The following MAGI2 variants were observed in gnomAD, a reference collection of about 807,000 sequenced individuals.
MAGI2 encodes the protein membrane associated guanylate kinase, WW and PDZ domain containing 2.
In MAGI2, 35 loss-of-function variants were observed where a neutral mutation model predicts 133.3. The observed-to-expected ratio is 0.26, with a 90% CI of 0.20 to 0.35. The LOEUF (loss-of-function observed/expected upper bound fraction) is 0.35. Among genes scored for constraint, MAGI2 ranks in the 10% least tolerant of loss-of-function variants. MAGI2 has a pLI of 1.00. For missense variants in MAGI2, 1,636 were observed against 1,863.4 expected, an observed-to-expected ratio of 0.88 and a Z score of 2.25; for synonymous variants, 729 against 710.6, an observed-to-expected ratio of 1.03 and a Z score of -0.41.
chr7:78,075,407 C>T (rs1192641688), intron 21 of MAGI2, among the ~76,000 whole-genome samples: 12 of 138,562 alleles, frequency 8.7e-5, no homozygotes, highest in African/African-American at 1.4e-4. Flanking sequence ...GACGGAGTCT[C>T]GCTCTGTCAC....
chr7:78,295,616 A>G (rs866809283), intron 9 of MAGI2, among the ~76,000 whole-genome samples: 43 of 152,258 alleles, frequency 2.8e-4, no homozygotes, highest in Middle Eastern at 3.4e-3. Flanking sequence ...AGTGTGAGCA[A>G]CTACACTAGC....
At chr7:78,093,001 TG>T (rs35588190) in intron 20 of MAGI2, among the ~76,000 whole-genome samples, 2 of 151,140 alleles carry the variant, frequency 1.3e-5, no homozygotes, top group African/African-American at 4.9e-5. Context: ...CTGGGTGTGG[TG>T]GGGGGTGCCT....
intron 3 of MAGI2, among the ~76,000 whole-genome samples, chr7:78,583,656 A>T (rs1365811352): frequency 6.6e-6 from 1 of 152,212 alleles, no homozygotes; most frequent in Non-Finnish European, 1.5e-5. Flanking sequence ...ACAAGATTAG[A>T]TCCAAGCTGA....
At chr7:78,577,470 G>T (rs1461648257) in intron 3 of MAGI2, among the ~76,000 whole-genome samples, 3 of 152,144 alleles carry the variant, frequency 2.0e-5, no homozygotes, top group African/African-American at 7.2e-5. Flanking sequence ...TAGAAATTAT[G>T]CTGATTTTCA....
At position 78,456,655 on chromosome 7, in the gene MAGI2, G is replaced by A. The variant is rs540529737; in HGVS notation, c.1045+33106C>T. On this transcript the variant is annotated intron_variant, in intron 6 of 21. Transcript: ENST00000354212. ...TATAATACAATAACTATATCAACAGGAAGACATACAAAATACAGTGGTTTC... is the reference window on the plus strand; with the variant it reads ...TATAATACAATAACTATATCAACAGAAAGACATACAAAATACAGTGGTTTC... Among the ~76,000 whole-genome samples the A allele has an allele frequency of 7.8e-4, 119 of 152,228 alleles. 3 individuals are homozygous for A. In the South Asian group the frequency reaches 0.019, roughly 25 times the overall value.
At chr7:78,177,423 C>T in intron 14 of MAGI2, among the ~76,000 whole-genome samples, 2 of 96,740 alleles carry the variant, frequency 2.1e-5, no homozygotes, top group South Asian at 7.0e-4. Flanking sequence ...TACGCGCACA[C>T]ACACACACAC....
chr7:78,967,623 T>A (rs995025338), intron 2 of MAGI2, among the ~76,000 whole-genome samples: 2 of 125,248 alleles, frequency 1.6e-5, no homozygotes, highest in Non-Finnish European at 3.5e-5. Context: ...ATTTTTTTTT[T>A]ATATATATAT....
At chr7:78,278,132 G>A (rs1458189538) in intron 9 of MAGI2, among the ~76,000 whole-genome samples, 1 of 152,138 alleles carries the variant, frequency 6.6e-6, no homozygotes, top group Non-Finnish European at 1.5e-5. Context: ...TTTCAGCAAA[G>A]TAGGGTAAGA....
Position 78,036,245 on chromosome 7 carries a change from T to C in MAGI2, c.3707-16269A>G, listed in dbSNP as rs577864203. On this transcript the variant is annotated intron_variant, in intron 21 of 21. Transcript: ENST00000354212. ...TAGATATAGATCTTAGCTTCACTAC[T>C]GAACAGCTGTGTGGCTTTGTGCAAA... Among the ~76,000 whole-genome samples, 95 of 152,320 alleles carry C rather than the reference T, an allele frequency of 6.2e-4. 1 individual carries two copies. Among genetic ancestry groups the C allele is most frequent in the Admixed American group, 2.2e-3 (34 of 15,300 alleles).
Position 78,788,564 on chromosome 7 carries a change from G to T in MAGI2, c.419-161325C>A, listed in dbSNP as rs189759890. ...ATTTTTTTTTAAAATTTGAATTATG[G>T]GCACCTATCTTTGCTTATCAAAAAA... On this transcript the variant is annotated intron_variant, in intron 2 of 21. Coordinates refer to ENST00000354212, the MANE Select transcript of MAGI2 (RefSeq NM_012301.4). Among the ~76,000 whole-genome samples the T allele has an allele frequency of 1.8e-4, 26 of 148,566 alleles. No homozygotes were observed. The East Asian group carries it at 4.2e-3, about 24-fold the overall frequency.
At chr7:79,141,460 G>T (rs563246665) in intron 1 of MAGI2, among the ~76,000 whole-genome samples, 1 of 152,188 alleles carries the variant, frequency 6.6e-6, no homozygotes, top group African/African-American at 2.4e-5. Flanking sequence ...CTACTTCAGA[G>T]CCAAATTTAT....
chr7:78,626,963 T>C lies in MAGI2; in HGVS notation c.538+157A>G, dbSNP rs17151199. On this transcript the variant is annotated intron_variant, in intron 3 of 21. Transcript: ENST00000354212. ...ATATTAAAAGTACACTTAATTGAGATGTATTTTAACTTTTTTAGGATACAT... is the reference window on the plus strand; with the variant it reads ...ATATTAAAAGTACACTTAATTGAGACGTATTTTAACTTTTTTAGGATACAT... Among the ~76,000 whole-genome samples, 7,484 of 151,902 alleles carry C rather than the reference T, an allele frequency of 0.049. 243 individuals are homozygous for C. The highest frequency in any genetic ancestry group is 0.14 in the East Asian group (722 of 5,166).
At chr7:79,353,577 G>C (rs1841827613) in intron 1 of MAGI2, 5 of 435,804 alleles carry the variant, frequency 1.1e-5, no homozygotes, top group Non-Finnish European at 2.3e-5. Flanking sequence ...CAGGCCTGCT[G>C]TCTGGAGCTC....
Position 79,015,999 on chromosome 7 carries a change from G to A in MAGI2, c.302-8793C>T, listed in dbSNP as rs906770879. ...AGCCCTCAATGACTCCTGGAGAAGC[G>A]GGGGGGGGGGGTGGGGGTTGAGCAG... On this transcript the variant is annotated intron_variant, in intron 1 of 21. Transcript: ENST00000354212. Among the ~76,000 whole-genome samples the A allele has an allele frequency of 1.0e-3, 39 of 39,076 alleles. 1 individual carries two copies. The highest frequency in any genetic ancestry group is 6.0e-4 in the Admixed American group (3 of 4,988). 25.6% of individuals were successfully genotyped at this position (39,076 alleles called of 152,430 possible). A position where few individuals can be genotyped will look rare whatever the true frequency, so the allele number is the denominator to read the frequency against.
chr7:78,077,125 G>A (rs1399666731), intron 21 of MAGI2, among the ~76,000 whole-genome samples: 3 of 152,016 alleles, frequency 2.0e-5, no homozygotes, highest in African/African-American at 7.2e-5. Flanking sequence ...GGATAGTCAT[G>A]CAGGTTAGAT....
At chr7:79,062,565 G>A (rs1025377501) in intron 1 of MAGI2, among the ~76,000 whole-genome samples, 1 of 152,060 alleles carries the variant, frequency 6.6e-6, no homozygotes, top group Non-Finnish European at 1.5e-5. Context: ...AAATGCAAAA[G>A]ATTAAAACTT....
chr7:78,256,721 C>G, intron 9 of MAGI2, 140 bp from the exon 10 acceptor site: 1 of 698,470 alleles, frequency 1.4e-6, no homozygotes, highest in Non-Finnish European at 2.3e-6. Context: ...TACTTAAAAT[C>G]ACTGTGGGTG....
intron 2 of MAGI2, among the ~76,000 whole-genome samples, chr7:78,815,415 C>A (rs531818114): frequency 3.9e-5 from 6 of 152,158 alleles, no homozygotes; most frequent in Non-Finnish European, 8.8e-5. Context: ...GAACTGAGAA[C>A]TCAGAGACTA....
At chr7:78,866,931 A>ATGG (rs1794608596) in intron 2 of MAGI2, among the ~76,000 whole-genome samples, 2 of 152,132 alleles carry the variant, frequency 1.3e-5, no homozygotes, top group South Asian at 4.1e-4. Context: ...CCAAAAACAC[A>ATGG]TGAAAAAATG....
Sources: allele counts gnomAD v4.1 joint callset (sites outside exome capture counted in the v4.1 genomes callset), GRCh38; gene constraint gnomAD v4.1.1; transcripts MANE v1.5; gene names NCBI Gene and HGNC (gene_info 2026-07-23, HGNC 2026-07-21).